PC: variants seen among roughly 807,000 people sequenced by gnomAD.
PC encodes the protein pyruvate carboxylase, also known as pyruvate carboxylase, mitochondrial.
Under a neutral mutation model 107.8 loss-of-function variants are expected in PC, and 46 were observed. The ratio of observed to expected loss-of-function variants is 0.43; its 90% CI spans 0.34 to 0.55. PC has a LOEUF of 0.55. Among genes scored for constraint, PC ranks in the 20% least tolerant of loss-of-function variants. The probability of loss-of-function intolerance (pLI) is 0.04; values close to 1 mark genes in which losing one functional copy is unlikely to be tolerated. For missense variants in PC, 1,241 were observed against 1,643.1 expected (o/e 0.76, Z 4.23); for synonymous variants, 662 against 684.7 (o/e 0.97, Z 0.52).
At chr11:66,931,590 G>GA (rs60306243) in intron 3 of PC, among the ~76,000 whole-genome samples, 65,939 of 150,712 alleles carry the variant, frequency 0.44, 14,633 homozygotes, top group Middle Eastern at 0.48. Flanking sequence ...GCAAAATGAA[G>GA]AAAAAAAAAC....
intron 3 of PC, among the ~76,000 whole-genome samples, chr11:66,905,189 A>T (rs1948118888): frequency 6.6e-6 from 1 of 152,248 alleles, no homozygotes; most frequent in African/African-American, 2.4e-5. Flanking sequence ...CCAACATATA[A>T]CAAACACATA....
intron 3 of PC, among the ~76,000 whole-genome samples, chr11:66,882,222 C>A (rs941793268): frequency 6.6e-6 from 1 of 152,258 alleles, no homozygotes; most frequent in African/African-American, 2.4e-5. Flanking sequence ...AGGCCATCAT[C>A]CCCCAAGTTT....
chr11:66,872,126 T>G lies in PC; in HGVS notation c.34A>C (p.Arg12=). Residue 12 remains arginine, a synonymous_variant, in exon 4 of 23, where the codon AGG becomes CGG. Coordinates refer to ENST00000393960, the MANE Select transcript of PC (RefSeq NM_001040716.2). ...GAGGTTCGGCGGATTCCCAGGAGCC[T>G]CAGGCCCCCATGGACTGTTCGGAAC... is the stretch of plus-strand genomic sequence containing the variant. ...LKFRTVHGGL[R]LLGIRRTSTA... 1 of 1,580,482 alleles carries G rather than the reference T, an allele frequency of 6.3e-7. No homozygotes were observed. The highest frequency in any genetic ancestry group is 1.2e-5 in the South Asian group (1 of 86,204).
intron 3 of PC, among the ~76,000 whole-genome samples, chr11:66,911,850 G>A (rs1477706066): frequency 1.3e-5 from 2 of 152,038 alleles, no homozygotes; most frequent in East Asian, 3.9e-4. Flanking sequence ...GACCAATATA[G>A]TGAAACCCCC....
chr11:66,948,012 AAGATAGATAGATAGAT>A (rs57087967), intron 3 of PC, among the ~76,000 whole-genome samples: 36 of 134,692 alleles, frequency 2.7e-4, no homozygotes, highest in South Asian at 7.7e-4. Context: ...ATCTCTACTA[AAGATAGATAGATAGAT>A]AGATAGATAG....
In PC at chr11:66,848,781, A is replaced by G. The variant is rs1945294146; in HGVS notation, c.*118T>C. 3.9e-6 allele frequency: 5 copies of G among 1,292,206 alleles called. No individual in the cohort carries two copies. Among genetic ancestry groups the G allele is most frequent in the Admixed American group, 1.8e-5 (1 of 56,312 alleles). 80.0% of individuals were successfully genotyped at this position (1,292,206 alleles called of 1,614,324 possible). A position where few individuals can be genotyped will look rare whatever the true frequency, so the allele number is the denominator to read the frequency against. On this transcript the variant is annotated 3_prime_UTR_variant, in exon 23 of 23. Transcript: ENST00000393960. Reference sequence around the variant, plus strand: ...CGGTGTCTCTCCTGTCCAGCTGTGGACAGGACCTCCACGGCCCGGCCTTCC... The same window carrying G: ...CGGTGTCTCTCCTGTCCAGCTGTGGGCAGGACCTCCACGGCCCGGCCTTCC...
rs45580638 is a variant in PC, at chr11:66,853,230, G to C, written c.1513+9C>G. ...GGGGAGGGCAGGGCAGGGCAGTCTC[G>C]GGCCAGACCGAGGTAGTGCAACAGC... On this transcript the variant is annotated intron_variant, in intron 13 of 22. Coordinates refer to ENST00000393960, the MANE Select transcript of PC (RefSeq NM_001040716.2). The C allele has an allele frequency of 6.2e-6, 10 of 1,613,368 alleles. No homozygotes were observed. The highest frequency in any genetic ancestry group is 1.7e-5 in the Admixed American group (1 of 59,996).
chr11:66,891,370 TTTTTTTG>T (rs1216096148), intron 3 of PC, among the ~76,000 whole-genome samples: 1 of 149,944 alleles, frequency 6.7e-6, no homozygotes, highest in Non-Finnish European at 1.5e-5. Flanking sequence ...AATAGGCAAG[TTTTTTTG>T]TTTTTTGTTT....
At position 66,871,177 on chromosome 11, in the gene PC, T is replaced by C; in HGVS notation, c.508A>G (p.Thr170Ala). The change falls in exon 7 of 23, where the codon ACA (threonine) becomes GCA (alanine). Residue 170 changes from threonine (T) to alanine (A), a missense_variant. Around this residue, in one of 2 missense-constraint regions of PC, gnomAD observed 1,143 missense variants for 1,551.9 expected, o/e 0.74. Transcript: ENST00000393960. The surrounding 1 kb of genome is among the most constrained non-coding windows in gnomAD (Gnocchi z 7.4). ...TGCAGGGACGTGATGGGGGCATCTG[T>C]GCCAGGGACAACGGGAACACCTGTT... ...IAAGVPVVPGTDAPITSLHEA... is the reference protein window; with the variant it reads ...IAAGVPVVPGADAPITSLHEA... 6.2e-7 allele frequency: 1 copy of C among 1,613,408 alleles called. No homozygotes were observed. The highest frequency in any genetic ancestry group is 1.1e-5 in the South Asian group (1 of 91,034).
rs866399734 is a variant in PC at position 66,860,982 on chromosome 11, C to T, written c.1368+2792G>A. Among the ~76,000 whole-genome samples the T allele has an allele frequency of 6.6e-5, 10 of 152,198 alleles. No individual in the cohort carries two copies. In the South Asian group the frequency reaches 1.2e-3, roughly 19 times the overall value. On this transcript the variant is annotated intron_variant, in intron 12 of 22. Coordinates refer to ENST00000393960, the MANE Select transcript of PC (RefSeq NM_001040716.2). ...CAGGGCATCTTGTGGACTGGTAAAACGCCATCCCAAAGGGACTGGAAGGGC... is the reference window on the plus strand; with the variant it reads ...CAGGGCATCTTGTGGACTGGTAAAATGCCATCCCAAAGGGACTGGAAGGGC...
chr11:66,880,089 A>G (rs1947131479), intron 3 of PC, among the ~76,000 whole-genome samples: 1 of 152,114 alleles, frequency 6.6e-6, no homozygotes, highest in South Asian at 2.1e-4. Flanking sequence ...CTGAAACACC[A>G]CTGCATTCCC....
intron 3 of PC, among the ~76,000 whole-genome samples, chr11:66,898,920 A>T (rs556836812): frequency 1.1e-4 from 16 of 152,014 alleles, no homozygotes; most frequent in African/African-American, 3.9e-4. Context: ...CCCGGGCTGG[A>T]GTGCTATGGC....
Position 66,850,758 on chromosome 11 carries a change from C to T in PC, c.2389G>A (p.Ala797Thr), listed in dbSNP as rs1367697600. The change falls in exon 18 of 23, where the codon GCA (alanine) becomes ACA (threonine). Residue 797 changes from alanine (A) to threonine (T), a missense_variant. Physicochemically the swap from Ala to Thr is moderately conservative, Grantham distance 58 (BLOSUM62 0). Transcript: ENST00000393960. The part of the protein sequence containing the change: ...AQAGADVVDV[A>T]ADSMSGMTSQ... ...GTCATCCCAGACATGGAATCAGCTG[C>T]CACATCCACCACATCAGCTCCAGCC... 3.1e-6 allele frequency: 5 copies of T among 1,611,252 alleles called. No individual in the cohort carries two copies. The highest frequency in any genetic ancestry group is 4.2e-6 in the Non-Finnish European group (5 of 1,179,932).
At chr11:66,892,253 A>C (rs1415909630) in intron 3 of PC, among the ~76,000 whole-genome samples, 1 of 152,216 alleles carries the variant, frequency 6.6e-6, no homozygotes, top group African/African-American at 2.4e-5. Flanking sequence ...CAGAGTGCCT[A>C]AGAGTTCTGG....
intron 3 of PC, among the ~76,000 whole-genome samples, chr11:66,895,851 T>C (rs2136026302): frequency 6.6e-6 from 1 of 152,280 alleles, no homozygotes; most frequent in South Asian, 2.1e-4. Flanking sequence ...GTTTCCACAC[T>C]GGAAGGACTT....
At chr11:66,922,037 A>G (rs764318212) in intron 3 of PC, among the ~76,000 whole-genome samples, 1 of 152,160 alleles carries the variant, frequency 6.6e-6, no homozygotes, top group African/African-American at 2.4e-5. Flanking sequence ...GAATGAGGGT[A>G]GGGGTCCCTT....
chr11:66,895,528 G>C (rs924862743), intron 3 of PC, among the ~76,000 whole-genome samples: 2 of 152,138 alleles, frequency 1.3e-5, no homozygotes, highest in Non-Finnish European at 2.9e-5. Context: ...ACAGAAATAA[G>C]AAACGATTAC....
Position 66,870,563 on chromosome 11 carries a change from G to T in PC, c.752-110C>A. On this transcript the variant is annotated intron_variant, in intron 8 of 22. Coordinates refer to ENST00000393960, the MANE Select transcript of PC (RefSeq NM_001040716.2). The surrounding 1 kb of genome is among the most constrained non-coding windows in gnomAD (Gnocchi z 6.1). ...CGCCAGTCAGTGCCGGCTGCCAGCG[G>T]TACAGAGGCTGCCAGGAGAGACACC... is the stretch of plus-strand genomic sequence containing the variant. 7.6e-7 allele frequency: 1 copy of T among 1,322,484 alleles called. No individual in the cohort carries two copies. The highest frequency in any genetic ancestry group is 1.1e-6 in the Non-Finnish European group (1 of 937,400). The allele number at this position is 1,322,484 out of a possible 1,614,324, so 81.9% of individuals were successfully genotyped here. A position where few individuals can be genotyped will look rare whatever the true frequency, so the allele number is the denominator to read the frequency against.
chr11:66,856,204 A>C (rs1252194934), intron 12 of PC, among the ~76,000 whole-genome samples: 1 of 152,248 alleles, frequency 6.6e-6, no homozygotes, highest in Non-Finnish European at 1.5e-5. Flanking sequence ...TTCCAGGGAA[A>C]TGGCCCGGCG....
Sources: gnomAD v4.1 joint callset for allele counts (sites outside exome capture counted in the v4.1 genomes callset) on GRCh38, gnomAD v4.1.1 for gene constraint, gnomAD v4.1.1 regional missense constraint, Gnocchi (gnomAD v3.1) non-coding constraint, MANE v1.5 for transcripts, NCBI Gene and HGNC (gene_info 2026-07-23, HGNC 2026-07-21) for gene names.